Variants in NID2 observed in about 807,000 individuals in gnomAD.
NID2 encodes the protein nidogen 2.
NID2 carries 83 observed loss-of-function variants against 145.4 expected under a neutral mutation model. The ratio of observed to expected loss-of-function variants is 0.57; its 90% CI spans 0.48 to 0.69. The LOEUF (loss-of-function observed/expected upper bound fraction) is 0.69, where lower values mean the gene tolerates loss of function less well. NID2 is among the 30% of genes least tolerant of loss of function. NID2 has a pLI of 0.00. For synonymous variants in NID2, 739 were observed against 701.3 expected (o/e 1.05, Z -0.85); for missense variants, 1,807 against 1,765.7 (o/e 1.02, Z -0.42).
intron 3 of NID2, among the ~76,000 whole-genome samples, chr14:52,058,462 A>C (rs1892923418): frequency 6.6e-6 from 1 of 152,176 alleles, no homozygotes; most frequent in Non-Finnish European, 1.5e-5. Flanking sequence ...ATTTGGCCCC[A>C]TATCTTACTC....
chr14:52,049,173 CTTT>C (rs3837608), intron 5 of NID2, among the ~76,000 whole-genome samples: 3 of 150,400 alleles, frequency 2.0e-5, no homozygotes, highest in East Asian at 3.9e-4. Context: ...TTTTAAATCT[CTTT>C]TTTTTCTATT....
rs573987529 is a variant in NID2, at chr14:52,068,713, A to C, written c.228+54T>G. On this transcript the variant is annotated intron_variant, in intron 1 of 21. Coordinates refer to ENST00000216286, the MANE Select transcript of NID2 (RefSeq NM_007361.4). ...CCTCTGGAGGCAGGGTTTCCGTGAG[A>C]CCGACCCCAGGGAAGAAGCTGCGGG... 13 of 1,495,480 alleles carry C rather than the reference A, an allele frequency of 8.7e-6. No individual in the cohort carries two copies. In the Admixed American group the frequency reaches 1.2e-4, roughly 14 times the overall value. The allele number at this position is 1,495,480 out of a possible 1,614,324, so 92.6% of individuals were successfully genotyped here. A position where few individuals can be genotyped will look rare whatever the true frequency, so the allele number is the denominator to read the frequency against.
In NID2 at chr14:52,011,932, C is replaced by T. The variant is rs1891045344; in HGVS notation, c.3421-249G>A. On this transcript the variant is annotated intron_variant, in intron 16 of 21. Transcript: ENST00000216286. Reference sequence around the variant, plus strand: ...TTGCAAAATGAGGCCAATAGTGTACCTGCCTCATATGGTTGCTATAAAAAT... The same window carrying T: ...TTGCAAAATGAGGCCAATAGTGTACTTGCCTCATATGGTTGCTATAAAAAT... 1.4e-5 allele frequency: 6 copies of T among 433,962 alleles called. No homozygotes were observed. The South Asian group carries it at 2.0e-4, about 14-fold the overall frequency. 26.9% of individuals were successfully genotyped at this position (433,962 alleles called of 1,614,324 possible). A position where few individuals can be genotyped will look rare whatever the true frequency, so the allele number is the denominator to read the frequency against.
At chr14:52,065,994 A>G (rs1480379249) in intron 2 of NID2, among the ~76,000 whole-genome samples, 2 of 151,098 alleles carry the variant, frequency 1.3e-5, no homozygotes, top group African/African-American at 2.4e-5. Flanking sequence ...TAGCAGCATG[A>G]TTTATAGTCC....
chr14:52,005,404 ACTTT>A lies in NID2; in HGVS notation c.*78_*81del, dbSNP rs905381176. 4.4e-6 allele frequency: 6 copies of A among 1,358,302 alleles called. No individual in the cohort carries two copies. Among genetic ancestry groups the A allele is most frequent in the Middle Eastern group, 1.9e-4 (1 of 5,214 alleles). The allele number at this position is 1,358,302 out of a possible 1,614,324, so 84.1% of individuals were successfully genotyped here. On this transcript the variant is annotated 3_prime_UTR_variant, in exon 22 of 22. Coordinates refer to ENST00000216286, the MANE Select transcript of NID2 (RefSeq NM_007361.4). Reference sequence around the variant, plus strand: ...ACGTCTAATGGCCAATTCCTTTTTTACTTTCTTTGCCTTTGCAGTCACTGTTCTT... The same window carrying A: ...ACGTCTAATGGCCAATTCCTTTTTTACTTTGCCTTTGCAGTCACTGTTCTT...
In NID2 at chr14:52,067,719, C is replaced by A. The variant is rs914890667; in HGVS notation, c.534+139G>T. On this transcript the variant is annotated intron_variant, in intron 2 of 21. Transcript: ENST00000216286. ...CGTCTTTCCTCACTCCCAAGCCACT[C>A]CAGCCCTGCTGCCTCCAAGGTCAGG... 4 of 1,021,996 alleles carry A rather than the reference C, an allele frequency of 3.9e-6. No individual in the cohort carries two copies. In the African/African-American group the frequency reaches 4.8e-5, roughly 12 times the overall value. The allele number at this position is 1,021,996 out of a possible 1,614,324, so 63.3% of individuals were successfully genotyped here. A position where few individuals can be genotyped will look rare whatever the true frequency, so the allele number is the denominator to read the frequency against.
At chr14:52,034,773 T>C (rs1266790950) in intron 9 of NID2, among the ~76,000 whole-genome samples, 1 of 152,314 alleles carries the variant, frequency 6.6e-6, no homozygotes, top group African/African-American at 2.4e-5. Context: ...CTCAACAGTT[T>C]CAATACAGTG....
chr14:52,048,913 C>T (rs1026458050), intron 5 of NID2, among the ~76,000 whole-genome samples: 2 of 152,030 alleles, frequency 1.3e-5, no homozygotes, highest in South Asian at 4.2e-4. Context: ...AACCAGGCTC[C>T]CAGCTGAGTG....
At chr14:52,060,377 AAAG>A (rs1302525888) in intron 2 of NID2, 21 bp from the exon 3 acceptor site, 200 of 1,149,126 alleles carry the variant, frequency 1.7e-4, no homozygotes, top group South Asian at 5.0e-4. Context: ...AAAAAAAAAA[AAAG>A]AGAGAGAGAG....
chr14:52,018,967 G>T, intron 14 of NID2, 94 bp downstream of exon 14: 1 of 845,858 alleles, frequency 1.2e-6, no homozygotes, highest in Non-Finnish European at 1.9e-6. Context: ...ATGAAGGATG[G>T]TGACTGGCCC....
chr14:52,042,095 C>T lies in NID2; in HGVS notation c.1825+10G>A, dbSNP rs762392689. The T allele has an allele frequency of 6.3e-7, 1 of 1,576,668 alleles. No homozygotes were observed. Among genetic ancestry groups the T allele is most frequent in the Non-Finnish European group, 8.6e-7 (1 of 1,159,494 alleles). On this transcript the variant is annotated intron_variant, in intron 7 of 21. Coordinates refer to ENST00000216286, the MANE Select transcript of NID2 (RefSeq NM_007361.4). ...TGCTGACTACCGGCCTTCTCAGAGG[C>T]CCTACTCACCTGCGAGGCTGAAGCC...
chr14:52,065,968 T>A (rs1022996312), intron 2 of NID2, among the ~76,000 whole-genome samples: 95 of 150,056 alleles, frequency 6.3e-4, no homozygotes, highest in South Asian at 1.5e-3. Context: ...TAAACATACG[T>A]GTGCATGTGT....
Position 52,007,793 on chromosome 14 carries a change from T to G in NID2, c.3880+17A>C, listed in dbSNP as rs1466682712. ...GTGATGAGAGGTTATCTATTTGCAT[T>G]CCATCAGTAGTATTACCTGCATCTG... On this transcript the variant is annotated intron_variant, in intron 19 of 21. Transcript: ENST00000216286. 6.2e-7 allele frequency: 1 copy of G among 1,607,158 alleles called. No homozygotes were observed. Among genetic ancestry groups the G allele is most frequent in the Non-Finnish European group, 8.5e-7 (1 of 1,175,924 alleles).
At position 52,005,198 on chromosome 14, in the gene NID2, T is replaced by A. The variant is rs1890714129; in HGVS notation, c.*288A>T. On this transcript the variant is annotated 3_prime_UTR_variant, in exon 22 of 22. Transcript: ENST00000216286. ...TCTTAGTTGAATGAATTTGATCTTT[T>A]AAATATTAATGATAAATGTTTACAA... 6.8e-6 allele frequency: 2 copies of A among 296,074 alleles called. No individual in the cohort carries two copies. The highest frequency in any genetic ancestry group is 1.2e-5 in the Non-Finnish European group (2 of 161,046). 18.3% of individuals were successfully genotyped at this position (296,074 alleles called of 1,614,324 possible).
At chr14:52,033,690 A>T (rs1481665521) in intron 9 of NID2, among the ~76,000 whole-genome samples, 1 of 152,152 alleles carries the variant, frequency 6.6e-6, no homozygotes, top group Non-Finnish European at 1.5e-5. Flanking sequence ...GAAAGAAAAA[A>T]CTTTTGGGTG....
intron 1 of NID2, 58 bp downstream of exon 1, chr14:52,068,709 T>C: frequency 1.4e-6 from 2 of 1,478,686 alleles, no homozygotes; most frequent in South Asian, 1.2e-5. Context: ...AGGGTTTCCG[T>C]GAGACCGACC....
chr14:52,016,981 G>A (rs4901179), intron 14 of NID2, among the ~76,000 whole-genome samples: 15,383 of 152,202 alleles, frequency 0.1, 819 homozygotes, highest in Non-Finnish European at 0.11. Flanking sequence ...TGACCCATGG[G>A]AGACAAAGCT....
chr14:52,005,677 C>T (rs946958601), intron 21 of NID2, 60 bp downstream of exon 21: 16 of 1,439,540 alleles, frequency 1.1e-5, no homozygotes, highest in Non-Finnish European at 1.5e-5. Context: ...AATCAAATAC[C>T]ATATATATCC....
chr14:52,048,745 G>A (rs909528237), intron 5 of NID2, among the ~76,000 whole-genome samples: 1 of 152,140 alleles, frequency 6.6e-6, no homozygotes, highest in Non-Finnish European at 1.5e-5. Flanking sequence ...GTGAGAGAGG[G>A]CAGGCACACC....
Sources: gnomAD v4.1 joint callset for allele counts (sites outside exome capture counted in the v4.1 genomes callset) on GRCh38, gnomAD v4.1.1 for gene constraint, MANE v1.5 for transcripts, NCBI Gene and HGNC (gene_info 2026-07-23, HGNC 2026-07-21) for gene names.